GNAI1: variants seen among roughly 807,000 people sequenced by gnomAD.
GNAI1 encodes the protein guanine nucleotide-binding protein G(i) subunit alpha-1.
In GNAI1, 11 loss-of-function variants were observed where a neutral mutation model predicts 38.9. The ratio of observed to expected loss-of-function variants is 0.28; its 90% confidence interval spans 0.18 to 0.47. GNAI1 has a LOEUF of 0.47. GNAI1 is among the 20% of genes least tolerant of loss of function. GNAI1 has a pLI of 0.99. For missense variants in GNAI1, 317 were observed against 436.9 expected (o/e 0.73, Z 2.45); for synonymous variants, 166 against 145.1 (o/e 1.14, Z -1.04).
intron 1 of GNAI1, among the ~76,000 whole-genome samples, chr7:80,142,993 A>G (rs1382866827): frequency 3.3e-5 from 5 of 152,212 alleles, no homozygotes; most frequent in African/African-American, 1.2e-4. Flanking sequence ...GGCATTTAAT[A>G]TATACTCACA....
chr7:80,144,114 G>C (rs564630280), intron 1 of GNAI1, among the ~76,000 whole-genome samples: 1 of 152,138 alleles, frequency 6.6e-6, no homozygotes, highest in South Asian at 2.1e-4. Flanking sequence ...GCTGTGTTAA[G>C]AATTCTATAG....
At chr7:80,182,257 A>G (rs1189051977) in intron 1 of GNAI1, among the ~76,000 whole-genome samples, 1 of 152,188 alleles carries the variant, frequency 6.6e-6, no homozygotes, top group African/African-American at 2.4e-5. Context: ...TTGACAGATA[A>G]TTTAGATTGA....
intron 4 of GNAI1, among the ~76,000 whole-genome samples, chr7:80,199,666 T>A (rs953376749): frequency 6.6e-6 from 1 of 152,176 alleles, no homozygotes; most frequent in Non-Finnish European, 1.5e-5. Flanking sequence ...AGAAAGTAAC[T>A]GGAACTTTCC....
chr7:80,163,451 C>T (rs1476791015), intron 1 of GNAI1, among the ~76,000 whole-genome samples: 1 of 152,120 alleles, frequency 6.6e-6, no homozygotes, highest in Non-Finnish European at 1.5e-5. Flanking sequence ...GTGTGTTTAG[C>T]GAACTCTTCA....
intron 1 of GNAI1, among the ~76,000 whole-genome samples, chr7:80,173,210 T>C (rs772910780): frequency 6.6e-6 from 1 of 152,178 alleles, no homozygotes; most frequent in Non-Finnish European, 1.5e-5. Context: ...TGAACAGATA[T>C]CTTACATCTG....
At chr7:80,211,271 G>A (rs74778252) in intron 6 of GNAI1, among the ~76,000 whole-genome samples, 173 bp downstream of exon 6, 2,635 of 152,194 alleles carry the variant, frequency 0.017, 75 homozygotes, top group African/African-American at 0.059. Context: ...TGAGGAAAAG[G>A]AAAACATGGA....
Position 80,218,452 on chromosome 7 carries a change from A to AT in GNAI1, c.*959_*960insT, listed in dbSNP as rs1302138601. The AT allele has an allele frequency of 1.3e-5, 2 of 151,960 alleles. No homozygotes were observed. Among genetic ancestry groups the AT allele is most frequent in the African/African-American group, 4.8e-5 (2 of 41,386 alleles). 9.4% of individuals were successfully genotyped at this position (151,960 alleles called of 1,614,324 possible). ...GAGCATTTTTGTGGGTAAAAAAAAA[A>AT]CCTGTGGACATAATGAATTTTGAGA... On this transcript the variant is annotated 3_prime_UTR_variant, in exon 8 of 8. Transcript: ENST00000649796.
At chr7:80,151,078 G>T (rs1787716477) in intron 1 of GNAI1, among the ~76,000 whole-genome samples, 1 of 152,092 alleles carries the variant, frequency 6.6e-6, no homozygotes, top group South Asian at 2.1e-4. Context: ...CTTCCACCCT[G>T]CATTTCCATA....
chr7:80,213,593 G>A (rs965674988), intron 7 of GNAI1, among the ~76,000 whole-genome samples: 1 of 152,160 alleles, frequency 6.6e-6, no homozygotes, highest in African/African-American at 2.4e-5. Flanking sequence ...CTGGGTTGCT[G>A]TTGAAGGCGG....
At chr7:80,196,970 C>T (rs1444621716) in intron 3 of GNAI1, among the ~76,000 whole-genome samples, 1 of 151,856 alleles carries the variant, frequency 6.6e-6, no homozygotes, top group Non-Finnish European at 1.5e-5. Context: ...GAATACAGTA[C>T]TTTTTAATTA....
At chr7:80,186,534 A>G (rs1338503420) in intron 1 of GNAI1, among the ~76,000 whole-genome samples, 2 of 152,206 alleles carry the variant, frequency 1.3e-5, no homozygotes, top group Non-Finnish European at 2.9e-5. Context: ...TTGTACATAC[A>G]TAGTTCAACT....
At chr7:80,180,945 G>C (rs1360225116) in intron 1 of GNAI1, among the ~76,000 whole-genome samples, 2 of 151,954 alleles carry the variant, frequency 1.3e-5, no homozygotes, top group Non-Finnish European at 2.9e-5. Context: ...TCCATTATGT[G>C]ATCATTGAAA....
intron 1 of GNAI1, among the ~76,000 whole-genome samples, chr7:80,182,845 T>G (rs1486490393): frequency 6.6e-6 from 1 of 152,176 alleles, no homozygotes; most frequent in Non-Finnish European, 1.5e-5. Context: ...TCAAAGCACC[T>G]TTGTCACACA....
At chr7:80,216,817 C>T (rs991861103) in intron 7 of GNAI1, among the ~76,000 whole-genome samples, 8 of 151,978 alleles carry the variant, frequency 5.3e-5, no homozygotes, top group African/African-American at 1.9e-4. Flanking sequence ...CATTGTAGAC[C>T]TTGGTACAAT....
At chr7:80,214,661 G>A (rs1788929934) in intron 7 of GNAI1, among the ~76,000 whole-genome samples, 1 of 152,150 alleles carries the variant, frequency 6.6e-6, no homozygotes, top group South Asian at 2.1e-4. Flanking sequence ...TATTGATTCA[G>A]TTGCTTCTTG....
chr7:80,219,324 A>G lies in GNAI1; in HGVS notation c.*1831A>G, dbSNP rs746634761. On this transcript the variant is annotated 3_prime_UTR_variant, in exon 8 of 8. Coordinates refer to ENST00000649796, the MANE Select transcript of GNAI1 (RefSeq NM_002069.6). ...AGCCACAAAGAAGCACATATTGGTG[A>G]CCATCATTAATGAAATCCTGAACTT... 4.6e-5 allele frequency: 7 copies of G among 152,624 alleles called. No individual in the cohort carries two copies. The highest frequency in any genetic ancestry group is 1.5e-5 in the Non-Finnish European group (1 of 68,030). 9.5% of individuals were successfully genotyped at this position (152,624 alleles called of 1,614,324 possible).
chr7:80,195,109 TC>T (rs1415220654), intron 3 of GNAI1, among the ~76,000 whole-genome samples: 5 of 151,946 alleles, frequency 3.3e-5, no homozygotes, highest in African/African-American at 1.2e-4. Context: ...ATTGACAAGT[TC>T]TCTTGTCAAT....
At position 80,217,733 on chromosome 7, in the gene GNAI1, A is replaced by G; in HGVS notation, c.*240A>G. 1 of 294,386 alleles carries G rather than the reference A, an allele frequency of 3.4e-6. No homozygotes were observed. 18.2% of individuals were successfully genotyped at this position (294,386 alleles called of 1,614,324 possible). Reference sequence around the variant, plus strand: ...CAGTGTTAAAGCTGGGCTCTAGTATATTGATGATTTCTGCATAAGTGTAAA... The same window carrying G: ...CAGTGTTAAAGCTGGGCTCTAGTATGTTGATGATTTCTGCATAAGTGTAAA... On this transcript the variant is annotated 3_prime_UTR_variant, in exon 8 of 8. Transcript: ENST00000649796.
chr7:80,178,778 T>C (rs1274810819), intron 1 of GNAI1, among the ~76,000 whole-genome samples: 1 of 152,170 alleles, frequency 6.6e-6, no homozygotes, highest in Non-Finnish European at 1.5e-5. Context: ...TGGTTTTGAA[T>C]AGAACCCGTA....
Sources: gnomAD v4.1 joint callset for allele counts (sites outside exome capture counted in the v4.1 genomes callset) on GRCh38, gnomAD v4.1.1 for gene constraint, MANE v1.5 for transcripts, NCBI Gene and HGNC (gene_info 2026-07-23, HGNC 2026-07-21) for gene names.